Variants in PAX8 observed in about 807,000 individuals in gnomAD.
PAX8 encodes the protein paired box 8, also known as paired box protein Pax-8.
PAX8 carries 15 observed loss-of-function variants against 52.4 expected under a neutral mutation model. That is an observed-to-expected ratio of 0.29 (90% confidence interval 0.19 to 0.44). The LOEUF (loss-of-function observed/expected upper bound fraction) is 0.44, where lower values mean the gene tolerates loss of function less well. PAX8 is among the 20% of genes least tolerant of loss of function. The pLI, the probability that PAX8 is intolerant of heterozygous loss-of-function variation, is 1.00. For synonymous variants in PAX8, 284 were observed against 249.7 expected (o/e 1.14, Z -1.29); for missense variants, 554 against 602.5 (o/e 0.92, Z 0.84).
intron 9 of PAX8, among the ~76,000 whole-genome samples, chr2:113,234,373 G>A (rs751266042): frequency 3.9e-5 from 6 of 152,218 alleles, no homozygotes; most frequent in Non-Finnish European, 5.9e-5. Context: ...ATGCAGTGCA[G>A]GCCCAGGCCT....
chr2:113,216,055 G>A lies in PAX8; in HGVS notation c.*2478C>T, dbSNP rs2019137. 99,165 of 221,038 alleles carry A rather than the reference G, an allele frequency of 0.45. 23,786 individuals carry two copies. Among genetic ancestry groups the A allele is most frequent in the East Asian group, 0.63 (9,633 of 15,224 alleles). 13.7% of individuals were successfully genotyped at this position (221,038 alleles called of 1,614,324 possible). On this transcript the variant is annotated 3_prime_UTR_variant, in exon 12 of 12. Coordinates refer to ENST00000429538, the MANE Select transcript of PAX8 (RefSeq NM_003466.4). The stretch of plus-strand genomic sequence containing the variant: ...ATTGGTTGTGAGTTGGAAAGGGTCT[G>A]CCGGGGGTACAGAGTGTCCCCAGAG...
Position 113,216,964 on chromosome 2 carries a change from C to T in PAX8, c.*1569G>A, listed in dbSNP as rs1391733935. 1 of 231,066 alleles carries T rather than the reference C, an allele frequency of 4.3e-6. No individual in the cohort carries two copies. Among genetic ancestry groups the T allele is most frequent in the Non-Finnish European group, 8.6e-6 (1 of 116,704 alleles). The allele number at this position is 231,066 out of a possible 1,614,324, so 14.3% of individuals were successfully genotyped here. A position where few individuals can be genotyped will look rare whatever the true frequency, so the allele number is the denominator to read the frequency against. ...TTATATGAAGCCTTCCATACTGTGCCTGGCACACAAGAGAGCCCAGTCTTC... is the reference window on the plus strand; with the variant it reads ...TTATATGAAGCCTTCCATACTGTGCTTGGCACACAAGAGAGCCCAGTCTTC... On this transcript the variant is annotated 3_prime_UTR_variant, in exon 12 of 12. Coordinates refer to ENST00000429538, the MANE Select transcript of PAX8 (RefSeq NM_003466.4).
intron 2 of PAX8, among the ~76,000 whole-genome samples, chr2:113,277,610 C>A (rs1693914074): frequency 1.3e-5 from 2 of 152,330 alleles, no homozygotes; most frequent in Middle Eastern, 3.4e-3. Context: ...CGCGCCGGGA[C>A]GGCTGCGCCC....
In PAX8 at chr2:113,274,621, A is replaced by T. The variant is rs116110884; in HGVS notation, c.25+3749T>A. ...CAAAATGTTCTGGAGGATGTGAATG[A>T]TTAAACTGTTTACTCCAAGGTTTAG... On this transcript the variant is annotated intron_variant, in intron 2 of 11. Coordinates refer to ENST00000429538, the MANE Select transcript of PAX8 (RefSeq NM_003466.4). 544 of 152,222 alleles carry T rather than the reference A, an allele frequency of 3.6e-3. 3 individuals carry two copies. Among genetic ancestry groups the T allele is most frequent in the African/African-American group, 0.012 (513 of 41,520 alleles). The allele number at this position is 152,222 out of a possible 1,614,324, so 9.4% of individuals were successfully genotyped here. A position where few individuals can be genotyped will look rare whatever the true frequency, so the allele number is the denominator to read the frequency against.
In PAX8 at chr2:113,223,315, G is replaced by T. The variant is rs1689368650; in HGVS notation, c.1190-3137C>A. On this transcript the variant is annotated intron_variant, in intron 10 of 11. Transcript: ENST00000429538. The stretch of plus-strand genomic sequence containing the variant: ...ATCCCAACAGCCAATCTACCAGCAA[G>T]GTTTGCTGGCTTTGCAACCAAAATA... 2.0e-5 allele frequency among the ~76,000 whole-genome samples: 3 copies of T among 152,080 alleles called. No individual in the cohort carries two copies. In the South Asian group the frequency reaches 6.2e-4, roughly 32 times the overall value.
intron 3 of PAX8, among the ~76,000 whole-genome samples, chr2:113,245,526 G>GGACTCTGGAATCCTGACCTTGCTGGGGAT (rs1317116451): frequency 1.3e-5 from 2 of 152,102 alleles, no homozygotes; most frequent in Non-Finnish European, 2.9e-5. Flanking sequence ...TTCTCCTCAT[G>GGACTCTGGAATCCTGACCTTGCTGGGGAT]GACTCTGGAA....
intron 7 of PAX8, chr2:113,240,487 C>T (rs1053269655): frequency 6.6e-6 from 1 of 152,306 alleles, no homozygotes; most frequent in African/African-American, 2.4e-5. Context: ...AACAGACCCA[C>T]CCTGAAGACA....
intron 10 of PAX8, among the ~76,000 whole-genome samples, chr2:113,223,138 G>A (rs1689358187): frequency 6.6e-6 from 1 of 152,016 alleles, no homozygotes. Context: ...TGGACATTTA[G>A]TAGGCATCTC....
intron 2 of PAX8, chr2:113,259,619 C>T (rs1692518655): frequency 6.6e-6 from 1 of 152,660 alleles, no homozygotes; most frequent in African/African-American, 2.4e-5. Flanking sequence ...CATAGCATCC[C>T]TGAATCTGTA....
chr2:113,269,207 T>G (rs1418028292), intron 2 of PAX8: 1 of 152,260 alleles, frequency 6.6e-6, no homozygotes, highest in Admixed American at 6.5e-5. Context: ...CCTACAGCCC[T>G]GCCACATTTT....
In PAX8 at chr2:113,278,401, G is replaced by A. The variant is rs202154359; in HGVS notation, c.-7C>T. On this transcript the variant is annotated 5_prime_UTR_variant, in exon 2 of 12. Transcript: ENST00000429538. ...TGATGGAGTTGTGAGGCATCGCCGGGGAGTCGCTCGCAGCCCGCCGAGGGC... is the reference window on the plus strand; with the variant it reads ...TGATGGAGTTGTGAGGCATCGCCGGAGAGTCGCTCGCAGCCCGCCGAGGGC... The A allele has an allele frequency of 2.6e-4, 424 of 1,610,832 alleles. 1 individual carries two copies. The African/African-American group carries it at 4.6e-3, about 17-fold the overall frequency.
intron 2 of PAX8, among the ~76,000 whole-genome samples, chr2:113,252,735 C>T (rs78171853): frequency 0.037 from 5,671 of 152,270 alleles, 133 homozygotes; most frequent in African/African-American, 0.062. Context: ...TGATCTCTTG[C>T]CCTTCTACCT....
At chr2:113,231,322 C>T (rs900148375) in intron 9 of PAX8, among the ~76,000 whole-genome samples, 2 of 152,200 alleles carry the variant, frequency 1.3e-5, no homozygotes, top group Admixed American at 6.5e-5. Flanking sequence ...AGGACGGCCT[C>T]GACATTGCTG....
chr2:113,251,377 G>A (rs1303925723), intron 2 of PAX8, among the ~76,000 whole-genome samples: 1 of 152,046 alleles, frequency 6.6e-6, no homozygotes, highest in East Asian at 1.9e-4. Context: ...GGGAAGTGGG[G>A]TGAGGGGGGA....
intron 9 of PAX8, among the ~76,000 whole-genome samples, chr2:113,228,911 C>T (rs574751513): frequency 6.6e-6 from 1 of 152,328 alleles, no homozygotes; most frequent in South Asian, 2.1e-4. Context: ...CAGTGACTAC[C>T]TCCTCCTTAT....
chr2:113,250,875 A>C (rs1691708250), intron 2 of PAX8: 1 of 152,210 alleles, frequency 6.6e-6, no homozygotes, highest in Middle Eastern at 3.2e-3. Context: ...CACCATGTTA[A>C]TGGTTATCTT....
At chr2:113,234,022 G>T (rs1690082927) in intron 9 of PAX8, among the ~76,000 whole-genome samples, 1 of 152,212 alleles carries the variant, frequency 6.6e-6, no homozygotes, top group Non-Finnish European at 1.5e-5. Context: ...GGGTAGGAGG[G>T]TGTGGGAGGT....
intron 7 of PAX8, chr2:113,238,635 G>A (rs1690562243): frequency 6.6e-6 from 1 of 152,204 alleles, no homozygotes; most frequent in South Asian, 2.1e-4. Context: ...GGGCAGAGCA[G>A]CACAATGCTT....
chr2:113,219,144 G>A (rs981766615), intron 11 of PAX8, among the ~76,000 whole-genome samples: 4 of 152,150 alleles, frequency 2.6e-5, no homozygotes, highest in Non-Finnish European at 5.9e-5. Flanking sequence ...CATTGCCCTC[G>A]TCTTTTCTGG....
Sources: gnomAD v4.1 joint callset for allele counts (sites outside exome capture counted in the v4.1 genomes callset) on GRCh38, gnomAD v4.1.1 for gene constraint, MANE v1.5 for transcripts, NCBI Gene and HGNC (gene_info 2026-07-23, HGNC 2026-07-21) for gene names.